WASHC4: variants seen among roughly 807,000 people sequenced by gnomAD.
The protein encoded by WASHC4 is WASH complex subunit 7.
A neutral mutation model predicts 166.6 loss-of-function variants in WASHC4; 86 were observed. That is an observed-to-expected ratio of 0.52 (90% CI 0.43 to 0.62). The LOEUF (loss-of-function observed/expected upper bound fraction) is 0.62. WASHC4 is among the 20% of genes least tolerant of loss of function. WASHC4 has a pLI of 0.00. For synonymous variants in WASHC4, 446 were observed against 451.6 expected (o/e 0.99, Z 0.16); for missense variants, 1,262 against 1,382.4 (o/e 0.91, Z 1.38).
intron 28 of WASHC4, 102 bp downstream of exon 28, chr12:105,157,424 A>G (rs1383442621): frequency 1.3e-5 from 9 of 679,508 alleles, no homozygotes; most frequent in African/African-American, 5.4e-5. Flanking sequence ...TTTTTATTAT[A>G]CAAAATTATG....
rs1427239982 is a variant in WASHC4, at chr12:105,168,448, A to G, written c.*1517A>G. 6.6e-6 allele frequency: 1 copy of G among 152,456 alleles called. No individual in the cohort carries two copies. The highest frequency in any genetic ancestry group is 1.5e-5 in the Non-Finnish European group (1 of 67,912). The allele number at this position is 152,456 out of a possible 1,614,324, so 9.4% of individuals were successfully genotyped here. A position where few individuals can be genotyped will look rare whatever the true frequency, so the allele number is the denominator to read the frequency against. Reference sequence around the variant, plus strand: ...TATATTTTCATTATTATAAGTGTTTATATTAATGATCTTGCATTTGATTAT... The same window carrying G: ...TATATTTTCATTATTATAAGTGTTTGTATTAATGATCTTGCATTTGATTAT... On this transcript the variant is annotated 3_prime_UTR_variant, in exon 33 of 33. Coordinates refer to ENST00000332180, the MANE Select transcript of WASHC4 (RefSeq NM_015275.3).
At chr12:105,149,820 T>C in intron 25 of WASHC4, 71 bp downstream of exon 25, 1 of 1,424,038 alleles carries the variant, frequency 7.0e-7, no homozygotes, top group Non-Finnish European at 9.5e-7. Context: ...ATGCTAAAAT[T>C]CATTATTTAG....
At chr12:105,107,927 GGCAGCGCTCCTGCGAGAGGGACGGCTGC>G (rs1346491899) in intron 1 of WASHC4, 66 bp downstream of exon 1, 9 of 1,240,354 alleles carry the variant, frequency 7.3e-6, no homozygotes, top group Non-Finnish European at 9.2e-6. Context: ...TTCTGGGCTG[GGCAGCGCTCCTGCGAGAGGGACGGCTGC>G]GCAGCCGTCT....
In WASHC4 at chr12:105,121,334, TA is replaced by T. The variant is rs1411687018; in HGVS notation, c.665+131del. 1.1e-4 allele frequency: 71 copies of T among 668,162 alleles called. 2 individuals carry two copies. The Middle Eastern group carries it at 3.2e-3, about 30-fold the overall frequency. 41.4% of individuals were successfully genotyped at this position (668,162 alleles called of 1,614,324 possible). ...GGGATTGATATTTAGAAGGAGCTCA[TA>T]TCAAATATTTTTATGACTACAGTAA... On this transcript the variant is annotated intron_variant, in intron 9 of 32. Transcript: ENST00000332180.
chr12:105,148,617 C>T, intron 24 of WASHC4: 2 of 984,856 alleles, frequency 2.0e-6, no homozygotes, highest in Non-Finnish European at 2.4e-6. Context: ...TTTAAAAATG[C>T]AAAGAAACAG....
intron 7 of WASHC4, among the ~76,000 whole-genome samples, chr12:105,119,654 A>G (rs1880534685): frequency 6.6e-6 from 1 of 152,138 alleles, no homozygotes; most frequent in Admixed American, 6.5e-5. Flanking sequence ...GCAGTACCTG[A>G]TGGGTAGTTC....
At chr12:105,141,133 C>A in intron 17 of WASHC4, 34 bp from the exon 18 acceptor site, 11 of 1,607,928 alleles carry the variant, frequency 6.8e-6, no homozygotes, top group Non-Finnish European at 9.4e-6. Context: ...CCTTTGACTG[C>A]AACTTCTCTG....
intron 21 of WASHC4, 63 bp downstream of exon 21, chr12:105,144,518 T>A: frequency 7.1e-7 from 1 of 1,413,580 alleles, no homozygotes; most frequent in Non-Finnish European, 9.8e-7. Context: ...TACCCTACTG[T>A]TAAACAAAAC....
chr12:105,114,572 C>T, intron 4 of WASHC4, 145 bp downstream of exon 4: 1 of 660,552 alleles, frequency 1.5e-6, no homozygotes, highest in South Asian at 1.8e-5. Context: ...GACTACCATT[C>T]ATTGAGTACT....
Position 105,118,433 on chromosome 12 carries a change from C to T in WASHC4, c.436-13C>T, listed in dbSNP as rs746166106. 5 of 1,590,044 alleles carry T rather than the reference C, an allele frequency of 3.1e-6. No homozygotes were observed. The highest frequency in any genetic ancestry group is 4.3e-6 in the Non-Finnish European group (5 of 1,158,020). On this transcript the variant is annotated splice_polypyrimidine_tract_variant and intron_variant, in intron 6 of 32. Coordinates refer to ENST00000332180, the MANE Select transcript of WASHC4 (RefSeq NM_015275.3). ...GAGTAACTTTATAATATATACCCAC[C>T]TTCTCGTTTCAGGAACTGTCTTGCT...
chr12:105,129,445 G>T (rs1881596775), intron 13 of WASHC4, among the ~76,000 whole-genome samples: 1 of 152,130 alleles, frequency 6.6e-6, no homozygotes, highest in African/African-American at 2.4e-5. Flanking sequence ...ACAAGTGCAG[G>T]TTTGTTACAT....
chr12:105,125,294 A>T (rs993262438), intron 10 of WASHC4, among the ~76,000 whole-genome samples: 1 of 152,228 alleles, frequency 6.6e-6, no homozygotes, highest in Non-Finnish European at 1.5e-5. Context: ...TTTGAAAAAA[A>T]CTTGCAGACA....
rs1884909187 is a variant in WASHC4 at position 105,168,256 on chromosome 12, T to G, written c.*1325T>G. ...ACTTGCCAGCCCAAGATAAATACTT[T>G]AATTGTTAAAAGTCAGAAGAGACAG... On this transcript the variant is annotated 3_prime_UTR_variant, in exon 33 of 33. Transcript: ENST00000332180. 6.6e-6 allele frequency: 1 copy of G among 152,482 alleles called. No homozygotes were observed. Among genetic ancestry groups the G allele is most frequent in the African/African-American group, 2.4e-5 (1 of 41,454 alleles). 9.4% of individuals were successfully genotyped at this position (152,482 alleles called of 1,614,324 possible).
intron 6 of WASHC4, among the ~76,000 whole-genome samples, chr12:105,116,046 A>G (rs555567333): frequency 6.6e-6 from 1 of 152,290 alleles, no homozygotes; most frequent in South Asian, 2.1e-4. Context: ...GTTAACGGAT[A>G]GGAGAGAATT....
intron 15 of WASHC4, among the ~76,000 whole-genome samples, chr12:105,139,425 G>GTGTGTGTGTGTGTGTGTGTGTGTGTGTA: frequency 9.7e-6 from 1 of 103,190 alleles, no homozygotes; most frequent in African/African-American, 3.6e-5. Context: ...ATGTGTGTGT[G>GTGTGTGTGTGTGTGTGTGTGTGTGTGTA]TATATATATA....
Position 105,114,423 on chromosome 12 carries a change from A to G in WASHC4, c.317A>G (p.Tyr106Cys). The G allele has an allele frequency of 6.4e-7, 1 of 1,574,386 alleles. No homozygotes were observed. The highest frequency in any genetic ancestry group is 2.3e-5 in the East Asian group (1 of 43,828). Residue 106 changes from tyrosine to cysteine, a missense_variant, in exon 4 of 33, where the codon TAT becomes TGT. By Grantham distance (194) the Tyr-to-Cys change is radical. Transcript: ENST00000332180. ...ALCCEIKKLK[Y>C]EAETKFYNGL... ...TGTTGTGAAATCAAGAAATTAAAAT[A>G]TGAGGTAATTATTTGAATTCTTGTC...
rs757431736 is a variant in WASHC4, at chr12:105,156,730, T to A, written c.2763T>A (p.Asn921Lys). The A allele has an allele frequency of 6.2e-7, 1 of 1,609,822 alleles. No individual in the cohort carries two copies. Among genetic ancestry groups the A allele is most frequent in the Non-Finnish European group, 8.5e-7 (1 of 1,176,728 alleles). Residue 921 changes from asparagine (N) to lysine (K), a missense_variant, in exon 27 of 33, where the codon AAT becomes AAA. By Grantham distance (94) the Asn-to-Lys change is moderately conservative. Coordinates refer to ENST00000332180, the MANE Select transcript of WASHC4 (RefSeq NM_015275.3). The stretch of plus-strand genomic sequence containing the variant: ...TTTTTTTGTGTGGTTTTTAAGGTAA[T>A]GCTATGGGCTATGTACGAATGATAA... ...QFRQLISQIG[N>K]AMGYVRMIRS...
chr12:105,114,872 T>G (rs1328173707), intron 4 of WASHC4, among the ~76,000 whole-genome samples: 1 of 152,062 alleles, frequency 6.6e-6, no homozygotes, highest in African/African-American at 2.4e-5. Flanking sequence ...ACTTCGTATT[T>G]TCTTCTCCTG....
intron 14 of WASHC4, among the ~76,000 whole-genome samples, chr12:105,136,562 G>C (rs1451793436): frequency 2.0e-5 from 3 of 152,046 alleles, no homozygotes; most frequent in Non-Finnish European, 4.4e-5. Flanking sequence ...GGTTATCTGG[G>C]AATGAGCTAA....
Sources: allele counts gnomAD v4.1 joint callset (sites outside exome capture counted in the v4.1 genomes callset), GRCh38; gene constraint gnomAD v4.1.1; transcripts MANE v1.5; gene names NCBI Gene and HGNC (gene_info 2026-07-23, HGNC 2026-07-21).